Variants in DSCAM observed in about 807,000 individuals in gnomAD.
DSCAM encodes DS cell adhesion molecule, also known as cell adhesion molecule DSCAM.
Under a neutral mutation model 217.7 loss-of-function variants are expected in DSCAM, and 47 were observed. The ratio of observed to expected loss-of-function variants is 0.22; its 90% CI spans 0.17 to 0.28. The LOEUF is 0.28. DSCAM is among the 10% of genes least tolerant of loss of function. The pLI, the probability that DSCAM is intolerant of heterozygous loss-of-function variation, is 1.00. For missense variants in DSCAM, 2,080 were observed against 2,618.3 expected (o/e 0.79, Z 4.49); for synonymous variants, 1,056 against 1,015.3 (o/e 1.04, Z -0.76).
chr21:40,317,137 G>C (rs1196866797), intron 8 of DSCAM, among the ~76,000 whole-genome samples: 1 of 152,218 alleles, frequency 6.6e-6, no homozygotes, highest in Admixed American at 6.5e-5. Context: ...CCAGTTCAGT[G>C]CAAGGCGTGA....
At chr21:40,686,071 T>C (rs1010545455) in intron 3 of DSCAM, among the ~76,000 whole-genome samples, 29 of 152,028 alleles carry the variant, frequency 1.9e-4, no homozygotes, top group African/African-American at 6.8e-4. Context: ...GATTTTAGTG[T>C]GACTGAGTGG....
intron 1 of DSCAM, 108 bp downstream of exon 1, chr21:40,846,511 C>A: frequency 2.5e-6 from 1 of 397,854 alleles, no homozygotes; most frequent in Non-Finnish European, 4.0e-6. Flanking sequence ...ACAGATGAAG[C>A]GGAAAAAGAA....
rs1047570336 is a variant in DSCAM at position 40,066,312 on chromosome 21, T to C, written c.4889-3413A>G. On this transcript the variant is annotated intron_variant, in intron 27 of 32. Transcript: ENST00000400454. ...TTCCTTTTCTTGTGCAGAAATTCCT[T>C]GATGTAATTTTAACCTGAAGTCATT... Among the ~76,000 whole-genome samples, 7 of 152,344 alleles carry C rather than the reference T, an allele frequency of 4.6e-5. No homozygotes were observed. In the East Asian group the frequency reaches 1.3e-3, roughly 29 times the overall value.
chr21:40,767,375 C>T (rs1437292748), intron 1 of DSCAM, among the ~76,000 whole-genome samples: 2 of 152,164 alleles, frequency 1.3e-5, no homozygotes, highest in Admixed American at 1.3e-4. Flanking sequence ...GGGCCCACAT[C>T]ACTTTGGGCA....
chr21:40,319,040 TA>T (rs2074231597), intron 8 of DSCAM, among the ~76,000 whole-genome samples: 1 of 152,184 alleles, frequency 6.6e-6, no homozygotes, highest in Non-Finnish European at 1.5e-5. Flanking sequence ...GTCTTGGGCA[TA>T]TTTGTAATAG....
chr21:40,792,874 T>C (rs1488748217), intron 1 of DSCAM, among the ~76,000 whole-genome samples: 2 of 152,186 alleles, frequency 1.3e-5, no homozygotes, highest in African/African-American at 4.8e-5. Flanking sequence ...CTGGCATTTG[T>C]GGCCCAGCTG....
intron 1 of DSCAM, among the ~76,000 whole-genome samples, chr21:40,730,930 C>T (rs1227772092): frequency 1.3e-5 from 2 of 152,140 alleles, no homozygotes; most frequent in Non-Finnish European, 2.9e-5. Flanking sequence ...AGAAAGTAAA[C>T]CTATGACCCC....
chr21:40,665,455 C>T (rs1328795295), intron 3 of DSCAM, among the ~76,000 whole-genome samples: 2 of 152,126 alleles, frequency 1.3e-5, no homozygotes, highest in Non-Finnish European at 2.9e-5. Flanking sequence ...GCACCTGTTC[C>T]CCTTGCCTGG....
At chr21:40,576,638 A>T (rs1313812881) in intron 3 of DSCAM, among the ~76,000 whole-genome samples, 2 of 152,192 alleles carry the variant, frequency 1.3e-5, no homozygotes, top group Non-Finnish European at 2.9e-5. Flanking sequence ...AGATAGTGGC[A>T]GAATGGGAGA....
At chr21:40,574,053 G>C (rs573465915) in intron 3 of DSCAM, among the ~76,000 whole-genome samples, 8 of 151,590 alleles carry the variant, frequency 5.3e-5, no homozygotes, top group Admixed American at 2.0e-4. Context: ...CAATATCTAA[G>C]GAAGGCGTAA....
chr21:40,410,556 T>G (rs1010449922), intron 3 of DSCAM, among the ~76,000 whole-genome samples: 7 of 151,244 alleles, frequency 4.6e-5, no homozygotes, highest in African/African-American at 1.7e-4. Flanking sequence ...CAAGGACATA[T>G]GAAGAAAACA....
At chr21:40,215,654 G>A (rs541568275) in intron 11 of DSCAM, among the ~76,000 whole-genome samples, 2 of 152,210 alleles carry the variant, frequency 1.3e-5, no homozygotes, top group South Asian at 4.2e-4. Context: ...AGACTCAGAA[G>A]TGGGGAGGGA....
At chr21:40,806,601 C>G (rs2091789762) in intron 1 of DSCAM, among the ~76,000 whole-genome samples, 1 of 152,148 alleles carries the variant, frequency 6.6e-6, no homozygotes, top group Non-Finnish European at 1.5e-5. Context: ...ACAATATGTA[C>G]AAATACATTC....
At chr21:40,753,818 A>G (rs1182679157) in intron 1 of DSCAM, among the ~76,000 whole-genome samples, 4 of 152,240 alleles carry the variant, frequency 2.6e-5, no homozygotes, top group Admixed American at 6.5e-5. Context: ...ATGAAGTTTT[A>G]TAGAACGAAT....
chr21:40,075,305 G>A lies in DSCAM; in HGVS notation c.4712-92C>T, dbSNP rs946833380. On this transcript the variant is annotated intron_variant, in intron 26 of 32. Transcript: ENST00000400454. ...ACAGGTTATAAAAATCGCGCTGTGT[G>A]ATCCAAGGGTGTTGGAGGTGATGAG... The A allele has an allele frequency of 2.2e-6, 3 of 1,375,452 alleles. No homozygotes were observed. In the African/African-American group the frequency reaches 4.3e-5, roughly 20 times the overall value. The allele number at this position is 1,375,452 out of a possible 1,614,324, so 85.2% of individuals were successfully genotyped here.
intron 8 of DSCAM, among the ~76,000 whole-genome samples, chr21:40,317,516 T>A (rs193083886): frequency 6.6e-6 from 1 of 151,520 alleles, no homozygotes; most frequent in Non-Finnish European, 1.5e-5. Context: ...TGTCCTGTTC[T>A]TTTTTTTTCT....
intron 3 of DSCAM, among the ~76,000 whole-genome samples, chr21:40,424,702 G>T (rs1040517721): frequency 6.6e-6 from 1 of 152,136 alleles, no homozygotes. Context: ...GTTCAACAAC[G>T]ATATGCCTGA....
chr21:40,840,813 G>A (rs1430115297), intron 1 of DSCAM, among the ~76,000 whole-genome samples: 1 of 152,116 alleles, frequency 6.6e-6, no homozygotes, highest in African/African-American at 2.4e-5. Flanking sequence ...AAACTAAGAG[G>A]GGGAGCCAAT....
intron 3 of DSCAM, among the ~76,000 whole-genome samples, chr21:40,474,579 A>T: frequency 6.6e-6 from 1 of 152,158 alleles, no homozygotes; most frequent in East Asian, 1.9e-4. Context: ...CCTGAGCTGG[A>T]ACAGCCCCTG....
Sources: allele counts gnomAD v4.1 joint callset (sites outside exome capture counted in the v4.1 genomes callset), GRCh38; gene constraint gnomAD v4.1.1; transcripts MANE v1.5; gene names NCBI Gene and HGNC (gene_info 2026-07-23, HGNC 2026-07-21).